Variants in KANSL1 observed in about 807,000 individuals in gnomAD.
KANSL1 encodes the protein MLL1/MLL complex subunit KANSL1.
Under a neutral mutation model 103.6 loss-of-function variants are expected in KANSL1, and 22 were observed. The ratio of observed to expected loss-of-function variants is 0.21; its 90% CI spans 0.15 to 0.30. The LOEUF (loss-of-function observed/expected upper bound fraction) is 0.30, where lower values mean the gene tolerates loss of function less well. Ranked by LOEUF, KANSL1 falls within the 10% of genes least tolerant of loss-of-function variation. The pLI is 1.00. For synonymous variants in KANSL1, 600 were observed against 527.6 expected, an observed-to-expected ratio of 1.14 and a Z score of -1.88; for missense variants, 1,337 against 1,399.8, an observed-to-expected ratio of 0.96 and a Z score of 0.72.
At chr17:46,055,594 T>C (rs1344250837) in intron 6 of KANSL1, among the ~76,000 whole-genome samples, 1 of 151,980 alleles carries the variant, frequency 6.6e-6, no homozygotes, top group African/African-American at 2.4e-5. Context: ...TAATGCAGAA[T>C]CTTAATAGAC....
rs190651884 is a variant in KANSL1 at position 46,069,178 on chromosome 17, G to A, written c.1534-1511C>T. Among the ~76,000 whole-genome samples the A allele has an allele frequency of 2.1e-4, 32 of 152,036 alleles. No individual in the cohort carries two copies. In the East Asian group the frequency reaches 3.5e-3, roughly 17 times the overall value. On this transcript the variant is annotated intron_variant, in intron 4 of 14. Coordinates refer to ENST00000432791, the MANE Select transcript of KANSL1 (RefSeq NM_015443.4). ...TGACCTCAACTGATCTGCCCTCCTC[G>A]GCCTCCCAAAATGCTGGGATTATAG... is the stretch of plus-strand genomic sequence containing the variant.
chr17:46,183,118 C>G (rs930990706), intron 1 of KANSL1, among the ~76,000 whole-genome samples: 6 of 152,190 alleles, frequency 3.9e-5, no homozygotes, highest in Non-Finnish European at 8.8e-5. Context: ...AAAAGAACAT[C>G]CAGGCTGAAA....
intron 2 of KANSL1, among the ~76,000 whole-genome samples, chr17:46,146,965 CAGG>C (rs2044742640): frequency 6.6e-6 from 1 of 151,628 alleles, no homozygotes; most frequent in Admixed American, 6.6e-5. Flanking sequence ...TCCAGCTACA[CAGG>C]AGGCTGAGGC....
At chr17:46,032,449 C>T (rs954481466) in intron 13 of KANSL1, 150 bp from the exon 14 acceptor site, 10 of 616,560 alleles carry the variant, frequency 1.6e-5, no homozygotes, top group Middle Eastern at 3.6e-4. Flanking sequence ...TTTCTTCCCA[C>T]TATTCTCTGG....
intron 1 of KANSL1, 82 bp from the exon 2 acceptor site, chr17:46,172,314 G>T (rs1316348127): frequency 4.9e-5 from 35 of 718,896 alleles, no homozygotes; most frequent in Non-Finnish European, 3.5e-5. Flanking sequence ...CACTACTTGA[G>T]GCTGTTGTCT....
intron 4 of KANSL1, among the ~76,000 whole-genome samples, chr17:46,077,641 T>C (rs894793071): frequency 6.6e-6 from 1 of 152,162 alleles, no homozygotes; most frequent in African/African-American, 2.4e-5. Context: ...CACTGCAACC[T>C]CTGTCTCCTG....
chr17:46,066,825 C>A, intron 5 of KANSL1, 93 bp from the exon 6 acceptor site: 1 of 830,456 alleles, frequency 1.2e-6, no homozygotes, highest in Non-Finnish European at 1.9e-6. Context: ...GCCTCTTATA[C>A]TAGTTCAACC....
chr17:46,081,465 T>C (rs916878175), intron 4 of KANSL1, among the ~76,000 whole-genome samples: 1 of 152,216 alleles, frequency 6.6e-6, no homozygotes, highest in Non-Finnish European at 1.5e-5. Flanking sequence ...TGCTCTTTAA[T>C]TTATTCAAAA....
At chr17:46,125,555 A>ATGGCTGT in intron 2 of KANSL1, among the ~76,000 whole-genome samples, 1 of 152,226 alleles carries the variant, frequency 6.6e-6, no homozygotes, top group Non-Finnish European at 1.5e-5. Context: ...TATAGGGGGT[A>ATGGCTGT]CCACTCCCAA....
chr17:46,143,794 A>G (rs1430302630), intron 2 of KANSL1, among the ~76,000 whole-genome samples: 1 of 130,998 alleles, frequency 7.6e-6, no homozygotes, highest in East Asian at 2.3e-4. Flanking sequence ...ACAGAGCGAG[A>G]CTCCATCTCA....
At chr17:46,071,194 G>A (rs763492996) in intron 4 of KANSL1, among the ~76,000 whole-genome samples, 52 of 152,214 alleles carry the variant, frequency 3.4e-4, no homozygotes, top group Middle Eastern at 6.8e-3. Flanking sequence ...GAAGTCAACA[G>A]GCAACACATT....
intron 2 of KANSL1, among the ~76,000 whole-genome samples, chr17:46,106,054 C>G (rs1193653315): frequency 1.3e-5 from 2 of 152,192 alleles, no homozygotes; most frequent in African/African-American, 4.8e-5. Context: ...GAACTTGCCT[C>G]CGGCTATCTC....
chr17:46,105,941 ACACACACCCC>A (rs1358382360), intron 2 of KANSL1, among the ~76,000 whole-genome samples: 20 of 76,342 alleles, frequency 2.6e-4, no homozygotes, highest in African/African-American at 6.8e-4. Context: ...ACACACACAC[ACACACACCCC>A]CCCAGAAGGG....
chr17:46,149,915 G>A (rs566788626), intron 2 of KANSL1, among the ~76,000 whole-genome samples: 6 of 151,912 alleles, frequency 3.9e-5, no homozygotes, highest in South Asian at 4.2e-4. Context: ...CCAGCTACTC[G>A]GGAGGCTGAG....
chr17:46,220,274 T>C (rs1388344057), intron 1 of KANSL1, among the ~76,000 whole-genome samples: 1 of 151,684 alleles, frequency 6.6e-6, no homozygotes. Context: ...TGGAGTGCAG[T>C]GGCACGATCT....
intron 2 of KANSL1, among the ~76,000 whole-genome samples, chr17:46,167,287 C>CT (rs2046054453): frequency 6.6e-6 from 1 of 152,028 alleles, no homozygotes; most frequent in Non-Finnish European, 1.5e-5. Context: ...AAAAACAACT[C>CT]TAAGAGGGAA....
At chr17:46,134,488 GGAGA>G in intron 2 of KANSL1, among the ~76,000 whole-genome samples, 1 of 152,274 alleles carries the variant, frequency 6.6e-6, no homozygotes, top group South Asian at 2.1e-4. Context: ...ACTTCAGAAA[GGAGA>G]TAGAGCTGAC....
At chr17:46,064,458 T>C (rs563797272) in intron 6 of KANSL1, among the ~76,000 whole-genome samples, 1 of 152,320 alleles carries the variant, frequency 6.6e-6, no homozygotes, top group East Asian at 1.9e-4. Flanking sequence ...CAATTCCTTC[T>C]GTGGCCTTGT....
At chr17:46,169,756 TATTTA>T in intron 2 of KANSL1, among the ~76,000 whole-genome samples, 1 of 152,380 alleles carries the variant, frequency 6.6e-6, no homozygotes, top group South Asian at 2.1e-4. Flanking sequence ...AGTACTGCTT[TATTTA>T]ATTAAGTACA....
Sources: gnomAD v4.1 joint callset for allele counts (sites outside exome capture counted in the v4.1 genomes callset) on GRCh38, gnomAD v4.1.1 for gene constraint, MANE v1.5 for transcripts, NCBI Gene and HGNC (gene_info 2026-07-23, HGNC 2026-07-21) for gene names.